SMCHD1: variants seen among roughly 807,000 people sequenced by gnomAD.
SMCHD1 encodes the protein structural maintenance of chromosomes flexible hinge domain-containing protein 1.
Under a neutral mutation model 254.7 loss-of-function variants are expected in SMCHD1, and 78 were observed. The ratio of observed to expected loss-of-function variants is 0.31; its 90% confidence interval spans 0.26 to 0.37. The LOEUF is 0.37. Ranked by LOEUF, SMCHD1 falls within the 10% of genes least tolerant of loss-of-function variation. The pLI, the probability that SMCHD1 is intolerant of heterozygous loss-of-function variation, is 1.00. For missense variants in SMCHD1, 1,840 were observed against 2,408.1 expected, an observed-to-expected ratio of 0.76 and a Z score of 4.94; for synonymous variants, 766 against 794.9, an observed-to-expected ratio of 0.96 and a Z score of 0.61.
At chr18:2,661,773 G>A (rs900187901) in intron 1 of SMCHD1, among the ~76,000 whole-genome samples, 1 of 152,180 alleles carries the variant, frequency 6.6e-6, no homozygotes, top group Admixed American at 6.5e-5. Context: ...TGACAGCTAG[G>A]AAATAGGGGG....
At chr18:2,727,363 T>C (rs1490786145) in intron 22 of SMCHD1, among the ~76,000 whole-genome samples, 3 of 152,106 alleles carry the variant, frequency 2.0e-5, no homozygotes, top group African/African-American at 4.8e-5. Flanking sequence ...CTTTCACAAA[T>C]TGAAGTTGTT....
rs770371694 is a variant in SMCHD1, at chr18:2,726,482, T to A, written c.2731T>A (p.Leu911Ile). 8.8e-5 allele frequency: 132 copies of A among 1,508,494 alleles called. 1 individual carries two copies. The East Asian group carries it at 3.3e-3, about 37-fold the overall frequency. The allele number at this position is 1,508,494 out of a possible 1,614,324, so 93.4% of individuals were successfully genotyped here. A position where few individuals can be genotyped will look rare whatever the true frequency, so the allele number is the denominator to read the frequency against. ...TAATCTGAAGGTTACTCTGCCTGGC[T>A]TAAAAGAAGACTCACAGATTTTGAA... is the stretch of plus-strand genomic sequence containing the variant. ...NYNLKVTLPG[L>I]KEDSQILKIR... The change falls in exon 22 of 48, where the codon TTA becomes ATA. Residue 911 changes from leucine to isoleucine, a missense_variant. Coordinates refer to ENST00000320876, the MANE Select transcript of SMCHD1 (RefSeq NM_015295.3).
Position 2,796,424 on chromosome 18 carries a change from A to C in SMCHD1, c.5896A>C (p.Lys1966Gln), listed in dbSNP as rs1488354554. The change falls in exon 47 of 48, where the codon AAG becomes CAG. Residue 1966 changes from lysine to glutamine, a missense_variant. Coordinates refer to ENST00000320876, the MANE Select transcript of SMCHD1 (RefSeq NM_015295.3). Reference sequence around the variant, plus strand: ...CTTCACAGGTATGACTCCCATACGTAAGTGTAATGACTCATTGCGTCATTC... The same window carrying C: ...CTTCACAGGTATGACTCCCATACGTCAGTGTAATGACTCATTGCGTCATTC... ...EEKLGMTPIR[K>Q]CNDSLRHSPK... 2 of 1,595,434 alleles carry C rather than the reference A, an allele frequency of 1.3e-6. No homozygotes were observed. The highest frequency in any genetic ancestry group is 4.5e-5 in the East Asian group (2 of 44,524).
chr18:2,802,694 C>G lies in SMCHD1; in HGVS notation c.*142C>G. On this transcript the variant is annotated 3_prime_UTR_variant, in exon 48 of 48. Coordinates refer to ENST00000320876, the MANE Select transcript of SMCHD1 (RefSeq NM_015295.3). ...AGTACCTGGGCATGAATTTCCATTT[C>G]GATTCAGATGGGACTGGAAACAACC... 3 of 631,238 alleles carry G rather than the reference C, an allele frequency of 4.8e-6. No individual in the cohort carries two copies. The highest frequency in any genetic ancestry group is 7.7e-6 in the Non-Finnish European group (3 of 387,506). The allele number at this position is 631,238 out of a possible 1,614,324, so 39.1% of individuals were successfully genotyped here.
intron 5 of SMCHD1, among the ~76,000 whole-genome samples, chr18:2,678,362 A>T (rs555760729): frequency 1.4e-4 from 20 of 143,036 alleles, no homozygotes; most frequent in Non-Finnish European, 2.1e-4. Context: ...GTGCAATGGC[A>T]CAATCTTGGC....
Position 2,656,007 on chromosome 18 carries a change from G to GCGGAGCGCGCACCTCAGCC in SMCHD1, c.-67_-49dup, listed in dbSNP as rs2073042249. 8.2e-7 allele frequency: 1 copy of GCGGAGCGCGCACCTCAGCC among 1,218,886 alleles called. No individual in the cohort carries two copies. Among genetic ancestry groups the GCGGAGCGCGCACCTCAGCC allele is most frequent in the Non-Finnish European group, 1.0e-6 (1 of 971,534 alleles). 75.5% of individuals were successfully genotyped at this position (1,218,886 alleles called of 1,614,324 possible). ...CGGGAGCTGGAGCTGAAGGCGCCGC[G>GCGGAGCGCGCACCTCAGCC]CGGAGCGCGCACCTCAGCCCTGAGC... On this transcript the variant is annotated 5_prime_UTR_variant, in exon 1 of 48. Transcript: ENST00000320876.
chr18:2,699,148 T>G (rs2074345357), intron 10 of SMCHD1, among the ~76,000 whole-genome samples: 1 of 152,128 alleles, frequency 6.6e-6, no homozygotes, highest in African/African-American at 2.4e-5. Context: ...TCTTTGCCAC[T>G]TTCTGTTGGA....
At chr18:2,694,492 G>T in intron 7 of SMCHD1, 35 bp from the exon 8 acceptor site, 3 of 1,442,040 alleles carry the variant, frequency 2.1e-6, no homozygotes, top group South Asian at 2.6e-5. Context: ...TAATTTAGAT[G>T]ATTTAATCTG....
intron 45 of SMCHD1, among the ~76,000 whole-genome samples, chr18:2,793,656 C>CAAAAAAAAAAAAA (rs1277905569): frequency 1.6e-3 from 72 of 43,828 alleles, no homozygotes; most frequent in Middle Eastern, 0.016. Flanking sequence ...GACTCCGTCT[C>CAAAAAAAAAAAAA]AAAAAAAAAA....
chr18:2,666,190 A>G lies in SMCHD1; in HGVS notation c.220A>G (p.Ile74Val), dbSNP rs1036751168. Residue 74 changes from isoleucine to valine, a missense_variant, in exon 2 of 48, where the codon ATT becomes GTT. This residue lies in a region of SMCHD1 where 37 missense variants were observed against 54.2 expected (regional missense o/e 0.68). Coordinates refer to ENST00000320876, the MANE Select transcript of SMCHD1 (RefSeq NM_015295.3). ...CATTTCACCTGAAGAAAAATTTGTT[A>G]TTACAACAACAAGTAGGAAAGAAAT... ...LGISPEEKFV[I>V]TTTSRKEITC... 3 of 1,560,562 alleles carry G rather than the reference A, an allele frequency of 1.9e-6. No individual in the cohort carries two copies. The highest frequency in any genetic ancestry group is 1.7e-5 in the Admixed American group (1 of 58,332).
chr18:2,757,692 A>G (rs2075707290), intron 34 of SMCHD1, among the ~76,000 whole-genome samples: 1 of 152,042 alleles, frequency 6.6e-6, no homozygotes, highest in African/African-American at 2.4e-5. Context: ...CAAATATACT[A>G]GATAATAATG....
intron 45 of SMCHD1, among the ~76,000 whole-genome samples, chr18:2,794,720 T>C (rs971890108): frequency 6.6e-6 from 1 of 152,178 alleles, no homozygotes; most frequent in African/African-American, 2.4e-5. Flanking sequence ...TGGAAAAAAA[T>C]TGGAACATAC....
At chr18:2,766,215 G>C (rs147465544) in intron 37 of SMCHD1, among the ~76,000 whole-genome samples, 1 of 152,062 alleles carries the variant, frequency 6.6e-6, no homozygotes, top group African/African-American at 2.4e-5. Context: ...GGATGGTCTC[G>C]ATCTCCTGAC....
Position 2,686,847 on chromosome 18 carries a change from T to G in SMCHD1, c.639-1547T>G, listed in dbSNP as rs565276383. 7.2e-5 allele frequency among the ~76,000 whole-genome samples: 11 copies of G among 152,272 alleles called. No homozygotes were observed. The South Asian group carries it at 8.3e-4, about 11-fold the overall frequency. ...TCAATGTTGTCTTTATTTTGATTAT[T>G]TATATATGAGGATAGGACTTTTTAT... On this transcript the variant is annotated intron_variant, in intron 5 of 47. Transcript: ENST00000320876.
At position 2,674,299 on chromosome 18, in the gene SMCHD1, A is replaced by C. The variant is rs573882229; in HGVS notation, c.638+154A>C. Among the ~76,000 whole-genome samples the C allele has an allele frequency of 2.9e-3, 445 of 152,230 alleles. 8 individuals carry two copies. Among genetic ancestry groups the C allele is most frequent in the African/African-American group, 0.01 (425 of 41,532 alleles). On this transcript the variant is annotated intron_variant, in intron 5 of 47. Coordinates refer to ENST00000320876, the MANE Select transcript of SMCHD1 (RefSeq NM_015295.3). The stretch of plus-strand genomic sequence containing the variant: ...TTATATTATAGAATTTTTATGATTG[A>C]TACTCAGAAATAGAACTATGTAATA...
intron 19 of SMCHD1, among the ~76,000 whole-genome samples, chr18:2,719,047 G>C (rs774206459): frequency 6.0e-5 from 9 of 150,738 alleles, no homozygotes; most frequent in Non-Finnish European, 1.3e-4. Context: ...GGGAATCCCA[G>C]TTTCTGAAAT....
At position 2,698,483 on chromosome 18, in the gene SMCHD1, A is replaced by G. The variant is rs374189753; in HGVS notation, c.1342+442A>G. Reference sequence around the variant, plus strand: ...TGTTTTTGTTGTCATTTTATGGTCAATGCATCTGTGTTTTTCTTTTTTGTA... The same window carrying G: ...TGTTTTTGTTGTCATTTTATGGTCAGTGCATCTGTGTTTTTCTTTTTTGTA... On this transcript the variant is annotated intron_variant, in intron 10 of 47. Coordinates refer to ENST00000320876, the MANE Select transcript of SMCHD1 (RefSeq NM_015295.3). Among the ~76,000 whole-genome samples, 5 of 152,188 alleles carry G rather than the reference A, an allele frequency of 3.3e-5. No individual in the cohort carries two copies. The South Asian group carries it at 6.2e-4, about 19-fold the overall frequency.
intron 46 of SMCHD1, 105 bp downstream of exon 46, chr18:2,796,212 A>G: frequency 8.8e-7 from 1 of 1,134,616 alleles, no homozygotes; most frequent in Non-Finnish European, 1.2e-6. Context: ...ATGATTCAGA[A>G]CTTAACAAAA....
intron 7 of SMCHD1, among the ~76,000 whole-genome samples, chr18:2,693,046 G>A (rs1286054049): frequency 1.3e-5 from 2 of 152,170 alleles, no homozygotes; most frequent in African/African-American, 4.8e-5. Context: ...CATTATAATG[G>A]TTTTGAAGGG....
Sources: gnomAD v4.1 joint callset for allele counts (sites outside exome capture counted in the v4.1 genomes callset) on GRCh38, gnomAD v4.1.1 for gene constraint, gnomAD v4.1.1 regional missense constraint, MANE v1.5 for transcripts, NCBI Gene and HGNC (gene_info 2026-07-23, HGNC 2026-07-21) for gene names.